FAT3: variants seen among roughly 807,000 people sequenced by gnomAD.
The protein encoded by FAT3 is FAT atypical cadherin 3.
In FAT3, 95 loss-of-function variants were observed where a neutral mutation model predicts 310.2. The observed-to-expected ratio is 0.31, with a 90% confidence interval of 0.26 to 0.36. FAT3 has a LOEUF of 0.36. Among genes scored for constraint, FAT3 ranks in the 10% least tolerant of loss-of-function variants. FAT3 has a pLI of 1.00. For synonymous variants in FAT3, 2,314 were observed against 2,192.9 expected (o/e 1.06, Z -1.54); for missense variants, 5,408 against 5,715.6 (o/e 0.95, Z 1.74).
chr11:92,630,286 C>T lies in FAT3; in HGVS notation c.3608-67098C>T, dbSNP rs1215296429. ...GGTCTCTTTGATGATTCCAATTCCTCATCCTACTCTGTAACTGTTGGTTTT... is the reference window on the plus strand; with the variant it reads ...GGTCTCTTTGATGATTCCAATTCCTTATCCTACTCTGTAACTGTTGGTTTT... On this transcript the variant is annotated intron_variant, in intron 3 of 27. Transcript: ENST00000525166. 3.9e-5 allele frequency among the ~76,000 whole-genome samples: 6 copies of T among 152,292 alleles called. 1 individual carries two copies. The South Asian group carries it at 1.2e-3, about 32-fold the overall frequency.
At chr11:92,288,965 C>T (rs549693467) in intron 1 of FAT3, among the ~76,000 whole-genome samples, 1 of 152,218 alleles carries the variant, frequency 6.6e-6, no homozygotes, top group African/African-American at 2.4e-5. Flanking sequence ...AATGTGCTGA[C>T]AACACCACCT....
chr11:92,761,822 C>T (rs752387404), intron 4 of FAT3, 34 bp from the exon 5 acceptor site: 1 of 1,577,786 alleles, frequency 6.3e-7, no homozygotes, highest in Non-Finnish European at 8.6e-7. Flanking sequence ...GAATAATTTT[C>T]TCCTTTCTGA....
chr11:92,674,731 G>C (rs1201300267), intron 3 of FAT3, among the ~76,000 whole-genome samples: 1 of 151,882 alleles, frequency 6.6e-6, no homozygotes, highest in Non-Finnish European at 1.5e-5. Flanking sequence ...GTCTCGCTAT[G>C]TTGCTCAGCC....
intron 2 of FAT3, among the ~76,000 whole-genome samples, chr11:92,457,409 A>C (rs190363393): frequency 1.3e-4 from 20 of 152,258 alleles, no homozygotes; most frequent in African/African-American, 4.8e-4. Flanking sequence ...GTGCAGTTGC[A>C]GGCTTGTATT....
chr11:92,741,677 G>A (rs1052827619), intron 4 of FAT3, among the ~76,000 whole-genome samples: 6 of 151,974 alleles, frequency 3.9e-5, no homozygotes, highest in Admixed American at 1.3e-4. Context: ...ACTCCCTTTC[G>A]TCTTGTGGAA....
intron 18 of FAT3, among the ~76,000 whole-genome samples, chr11:92,842,672 GA>G: frequency 6.6e-6 from 1 of 152,140 alleles, no homozygotes; most frequent in Non-Finnish European, 1.5e-5. Flanking sequence ...AAGAGTTCAA[GA>G]CCAGCCTTGG....
intron 1 of FAT3, among the ~76,000 whole-genome samples, chr11:92,317,371 A>T (rs1479576155): frequency 6.6e-6 from 1 of 152,104 alleles, no homozygotes; most frequent in Non-Finnish European, 1.5e-5. Context: ...AAACCAAAGG[A>T]TTTGGTTGTT....
At chr11:92,828,622 T>G (rs2136250306) in intron 13 of FAT3, among the ~76,000 whole-genome samples, 1 of 152,144 alleles carries the variant, frequency 6.6e-6, no homozygotes. Context: ...GGTCAGCAAC[T>G]TGCAGGGGGA....
intron 3 of FAT3, among the ~76,000 whole-genome samples, chr11:92,635,122 G>A (rs1316932009): frequency 6.6e-6 from 1 of 152,174 alleles, no homozygotes; most frequent in Non-Finnish European, 1.5e-5. Flanking sequence ...GGTGATGGCA[G>A]CCTGGACACA....
At chr11:92,245,789 G>C (rs1275328770) in intron 1 of FAT3, among the ~76,000 whole-genome samples, 1 of 152,146 alleles carries the variant, frequency 6.6e-6, no homozygotes, top group South Asian at 2.1e-4. Context: ...CCAGTGAGCT[G>C]TAGTTTGCAA....
At chr11:92,375,072 G>C (rs915384610) in intron 2 of FAT3, among the ~76,000 whole-genome samples, 1 of 151,932 alleles carries the variant, frequency 6.6e-6, no homozygotes, top group Non-Finnish European at 1.5e-5. Context: ...ACCTAAATTA[G>C]TAATCGTCAA....
chr11:92,451,091 G>T (rs551801916), intron 2 of FAT3, among the ~76,000 whole-genome samples: 119 of 152,248 alleles, frequency 7.8e-4, no homozygotes, highest in Non-Finnish European at 1.3e-3. Context: ...GAGCAGAAAG[G>T]TTTAGGTGAT....
At chr11:92,475,436 T>G (rs1219231276) in intron 2 of FAT3, among the ~76,000 whole-genome samples, 1 of 151,998 alleles carries the variant, frequency 6.6e-6, no homozygotes, top group Non-Finnish European at 1.5e-5. Flanking sequence ...TTTTTCATTG[T>G]GGGATCCTAG....
At chr11:92,870,710 C>CCATA (rs1322353620) in intron 22 of FAT3, among the ~76,000 whole-genome samples, 1 of 152,152 alleles carries the variant, frequency 6.6e-6, no homozygotes, top group Non-Finnish European at 1.5e-5. Context: ...AGTCACCATG[C>CCATA]CATAAATAGT....
At chr11:92,346,338 C>A (rs1948419237) in intron 1 of FAT3, among the ~76,000 whole-genome samples, 1 of 152,078 alleles carries the variant, frequency 6.6e-6, no homozygotes, top group Non-Finnish European at 1.5e-5. Context: ...AGGAGTAGTT[C>A]CCTAACGCAG....
intron 1 of FAT3, among the ~76,000 whole-genome samples, chr11:92,343,029 C>G (rs1948308205): frequency 6.6e-6 from 1 of 152,150 alleles, no homozygotes; most frequent in South Asian, 2.1e-4. Flanking sequence ...TGAAATGATA[C>G]TTGACATTAA....
chr11:92,667,959 T>C (rs937619305), intron 3 of FAT3, among the ~76,000 whole-genome samples: 3 of 152,224 alleles, frequency 2.0e-5, no homozygotes, highest in Admixed American at 2.0e-4. Flanking sequence ...CTTGTGCAAA[T>C]AGAGGTGAGC....
chr11:92,815,400 T>C (rs901283220), intron 13 of FAT3, among the ~76,000 whole-genome samples: 8 of 151,910 alleles, frequency 5.3e-5, no homozygotes, highest in East Asian at 3.9e-4. Context: ...AGTGAAACCC[T>C]GTCTCTACTA....
intron 1 of FAT3, among the ~76,000 whole-genome samples, chr11:92,337,920 A>G (rs1221294015): frequency 6.6e-6 from 1 of 152,198 alleles, no homozygotes; most frequent in Non-Finnish European, 1.5e-5. Flanking sequence ...GCTGAATGAC[A>G]TTTGTTCATA....
Sources: gnomAD v4.1 joint callset for allele counts (sites outside exome capture counted in the v4.1 genomes callset) on GRCh38, gnomAD v4.1.1 for gene constraint, MANE v1.5 for transcripts, NCBI Gene and HGNC (gene_info 2026-07-23, HGNC 2026-07-21) for gene names.